The following ANKLE2 variants were observed in gnomAD, a reference collection of about 807,000 sequenced individuals.
ANKLE2 encodes ankyrin repeat and LEM domain containing 2.
In ANKLE2, 55 loss-of-function variants were observed where a neutral mutation model predicts 84.2. That is an observed-to-expected ratio of 0.65 (90% CI 0.53 to 0.82). The LOEUF is 0.82. ANKLE2 is among the 40% of genes least tolerant of loss of function. The probability of loss-of-function intolerance (pLI) is 0.00; values close to 1 mark genes in which losing one functional copy is unlikely to be tolerated. For synonymous variants in ANKLE2, 551 were observed against 486.1 expected (o/e 1.13, Z -1.76); for missense variants, 1,238 against 1,201.9 (o/e 1.03, Z -0.44).
At chr12:132,736,125 G>C (rs550017899) in intron 8 of ANKLE2, among the ~76,000 whole-genome samples, 1 of 152,206 alleles carries the variant, frequency 6.6e-6, no homozygotes, top group Non-Finnish European at 1.5e-5. Flanking sequence ...CTAATTTTTT[G>C]TATTTTTAGT....
chr12:132,741,406 C>A lies in ANKLE2; in HGVS notation c.1420+13G>T. On this transcript the variant is annotated intron_variant, in intron 7 of 12. Coordinates refer to ENST00000357997, the MANE Select transcript of ANKLE2 (RefSeq NM_015114.3). ...GTGGACCCCACGATCCAGGCACCAA[C>A]TCCCCATCTTACCCTTTAAATACTC... 2 of 1,613,858 alleles carry A rather than the reference C, an allele frequency of 1.2e-6. No homozygotes were observed. Among genetic ancestry groups the A allele is most frequent in the Non-Finnish European group, 1.7e-6 (2 of 1,179,896 alleles).
At chr12:132,744,319 C>T (rs1412124527) in intron 5 of ANKLE2, among the ~76,000 whole-genome samples, 4 of 152,188 alleles carry the variant, frequency 2.6e-5, no homozygotes, top group Non-Finnish European at 4.4e-5. Context: ...TTACACCTAG[C>T]ACAGCCAGAA....
Position 132,727,075 on chromosome 12 carries a change from G to T in ANKLE2, c.*167C>A, listed in dbSNP as rs747655669. On this transcript the variant is annotated 3_prime_UTR_variant, in exon 13 of 13. Transcript: ENST00000357997. The stretch of plus-strand genomic sequence containing the variant: ...ACTTCTAACTTCTTCCAAAATATCA[G>T]AAATCTAAGTGTTATATAGAACATT... 9.2e-4 allele frequency: 640 copies of T among 699,144 alleles called. 2 individuals are homozygous for T. Among genetic ancestry groups the T allele is most frequent in the Non-Finnish European group, 1.1e-3 (527 of 478,302 alleles). The allele number at this position is 699,144 out of a possible 1,614,324, so 43.3% of individuals were successfully genotyped here. A position where few individuals can be genotyped will look rare whatever the true frequency, so the allele number is the denominator to read the frequency against.
At chr12:132,752,213 C>A (rs759717331) in intron 2 of ANKLE2, among the ~76,000 whole-genome samples, 3 of 152,022 alleles carry the variant, frequency 2.0e-5, no homozygotes, top group African/African-American at 2.4e-5. Flanking sequence ...GGTGGCACAC[C>A]CCTGTAGTAC....
rs1441260525 is a variant in ANKLE2, at chr12:132,725,777, C to CT, written c.*1464dup. 1.3e-5 allele frequency: 2 copies of CT among 152,206 alleles called. No individual in the cohort carries two copies. Among genetic ancestry groups the CT allele is most frequent in the Non-Finnish European group, 2.9e-5 (2 of 68,014 alleles). The allele number at this position is 152,206 out of a possible 1,614,324, so 9.4% of individuals were successfully genotyped here. ...ACTACGAATATCCATATTCTGATTT[C>CT]TTTTGAGAACCAAGGTGCCTTTTAA... On this transcript the variant is annotated 3_prime_UTR_variant, in exon 13 of 13. Coordinates refer to ENST00000357997, the MANE Select transcript of ANKLE2 (RefSeq NM_015114.3).
intron 1 of ANKLE2, chr12:132,759,050 G>GTAT (rs1221788040): frequency 7.3e-6 from 1 of 136,366 alleles, no homozygotes; most frequent in South Asian, 2.1e-4. Flanking sequence ...GCACCCCGGG[G>GTAT]CACCCACGTG....
At chr12:132,741,805 T>C (rs528416793) in intron 6 of ANKLE2, 1 of 498,122 alleles carries the variant, frequency 2.0e-6, no homozygotes, top group South Asian at 1.5e-5. Context: ...AACATGTTTC[T>C]AACCTTCTTG....
chr12:132,727,135 G>A lies in ANKLE2; in HGVS notation c.*107C>T, dbSNP rs893548589. 2.2e-5 allele frequency: 25 copies of A among 1,145,010 alleles called. No homozygotes were observed. The highest frequency in any genetic ancestry group is 2.7e-5 in the Non-Finnish European group (23 of 842,474). 70.9% of individuals were successfully genotyped at this position (1,145,010 alleles called of 1,614,324 possible). ...TAAAATTCTCACACCCTCAAAGTGAGGAGTAATAATTTAATCAGAATATAT... is the reference window on the plus strand; with the variant it reads ...TAAAATTCTCACACCCTCAAAGTGAAGAGTAATAATTTAATCAGAATATAT... On this transcript the variant is annotated 3_prime_UTR_variant, in exon 13 of 13. Coordinates refer to ENST00000357997, the MANE Select transcript of ANKLE2 (RefSeq NM_015114.3).
chr12:132,733,871 G>C (rs922370768), intron 10 of ANKLE2: 8 of 433,510 alleles, frequency 1.8e-5, no homozygotes, highest in African/African-American at 1.6e-4. Context: ...TTGAGAAAAC[G>C]GCACAGAATG....
chr12:132,761,360 G>C (rs1005658713), intron 1 of ANKLE2: 1 of 310,354 alleles, frequency 3.2e-6, no homozygotes, highest in Non-Finnish European at 5.9e-6. Flanking sequence ...CGCCTTCCCC[G>C]GAGGCTGCTC....
At position 132,730,187 on chromosome 12, in the gene ANKLE2, G is replaced by T. The variant is rs751601869; in HGVS notation, c.1975C>A (p.Arg659=). Residue 659 remains arginine (R), a synonymous_variant, in exon 11 of 13, where the codon CGA becomes AGA. Transcript: ENST00000357997. ...CCGACTGTGGGCGGGCTGTTATTTC[G>T]AGCTGCATTTTGCCGATTTTTTATT... ...EEIKNRQNAA[R]NNSPPTVGAF... 8.7e-6 allele frequency: 14 copies of T among 1,602,960 alleles called. No homozygotes were observed. The Admixed American group carries it at 2.4e-4, about 28-fold the overall frequency.
In ANKLE2 at chr12:132,761,734, G is replaced by A; in HGVS notation, c.65C>T (p.Ser22Leu). Residue 22 changes from serine (S) to leucine (L), a missense_variant, in exon 1 of 13, where the codon TCG becomes TTG. Transcript: ENST00000357997. The stretch of plus-strand genomic sequence containing the variant: ...CCACCGCACAGCGATCAGCAGCACC[G>A]AGGCGCCCAGCAGCTCCCAGGCCAG... ...AALAWELLGA[S>L]VLLIAVRWLV... 7.6e-7 allele frequency: 1 copy of A among 1,318,286 alleles called. No individual in the cohort carries two copies. The highest frequency in any genetic ancestry group is 3.4e-5 in the East Asian group (1 of 29,400). The allele number at this position is 1,318,286 out of a possible 1,614,324, so 81.7% of individuals were successfully genotyped here. A position where few individuals can be genotyped will look rare whatever the true frequency, so the allele number is the denominator to read the frequency against.
chr12:132,760,315 G>A (rs2136194001), intron 1 of ANKLE2: 1 of 152,266 alleles, frequency 6.6e-6, no homozygotes, highest in East Asian at 1.9e-4. Flanking sequence ...CAGGTATGTG[G>A]GGATTTTCTC....
intron 2 of ANKLE2, chr12:132,751,174 T>C (rs944286912): frequency 5.3e-6 from 1 of 189,380 alleles, no homozygotes; most frequent in African/African-American, 2.3e-5. Context: ...AAAAAAACTA[T>C]AATTATGTCA....
In ANKLE2 at chr12:132,735,833, C is replaced by G. The variant is rs565608739; in HGVS notation, c.1594-321G>C. ...GGCTCGGAGCTGCCACCCCGACGCACATGTGACACTGCTCCCATCGCAGGA... is the reference window on the plus strand; with the variant it reads ...GGCTCGGAGCTGCCACCCCGACGCAGATGTGACACTGCTCCCATCGCAGGA... On this transcript the variant is annotated intron_variant, in intron 8 of 12. Coordinates refer to ENST00000357997, the MANE Select transcript of ANKLE2 (RefSeq NM_015114.3). Among the ~76,000 whole-genome samples the G allele has an allele frequency of 2.6e-5, 4 of 152,372 alleles. No homozygotes were observed. The East Asian group carries it at 7.7e-4, about 29-fold the overall frequency.
At chr12:132,754,373 C>T (rs879433042) in intron 2 of ANKLE2, among the ~76,000 whole-genome samples, 9 of 152,144 alleles carry the variant, frequency 5.9e-5, no homozygotes, top group East Asian at 1.9e-4. Context: ...TTTAAAAAGG[C>T]GGAGATGACT....
chr12:132,747,925 G>A lies in ANKLE2; in HGVS notation c.1137C>T (p.Phe379=). 1 of 1,603,632 alleles carries A rather than the reference G, an allele frequency of 6.2e-7. No homozygotes were observed. The highest frequency in any genetic ancestry group is 8.5e-7 in the Non-Finnish European group (1 of 1,177,606). ...CGTCATCAGGGTACATCAGCCTCAT[G>A]AAGTCAGGGTTCTCCAGGACGTCCA... ...LTLDVLENPD[F]MRLMYPDDDE... is the part of the protein sequence containing the mutation. Residue 379 remains phenylalanine, a synonymous_variant, in exon 5 of 13, where the codon TTC becomes TTT. Transcript: ENST00000357997.
chr12:132,752,141 G>GACC (rs1187099476), intron 2 of ANKLE2, among the ~76,000 whole-genome samples: 1 of 151,026 alleles, frequency 6.6e-6, no homozygotes, highest in African/African-American at 2.4e-5. Flanking sequence ...GAGAGTTTGA[G>GACC]ACCAGCCTGA....
At chr12:132,732,416 C>T (rs1348770787) in intron 10 of ANKLE2, among the ~76,000 whole-genome samples, 1 of 141,600 alleles carries the variant, frequency 7.1e-6, no homozygotes, top group Non-Finnish European at 1.5e-5. Flanking sequence ...CCGTGTGAAG[C>T]TCTCTGCGTC....
Sources: gnomAD v4.1 joint callset for allele counts (sites outside exome capture counted in the v4.1 genomes callset) on GRCh38, gnomAD v4.1.1 for gene constraint, MANE v1.5 for transcripts, NCBI Gene and HGNC (gene_info 2026-07-23, HGNC 2026-07-21) for gene names.